PSTPIP1: variants seen among roughly 807,000 people sequenced by gnomAD.
PSTPIP1 encodes proline-serine-threonine phosphatase interacting protein 1.
In PSTPIP1, 66 loss-of-function variants were observed where a neutral mutation model predicts 69.6. The observed-to-expected ratio is 0.95, with a 90% CI of 0.78 to 1.16. PSTPIP1 has a LOEUF of 1.16. PSTPIP1 is among the 50% of genes most tolerant of loss of function. The pLI, the probability that PSTPIP1 is intolerant of heterozygous loss-of-function variation, is 0.00. For synonymous variants in PSTPIP1, 266 were observed against 222.7 expected, an observed-to-expected ratio of 1.19 and a Z score of -1.73; for missense variants, 603 against 557.4, an observed-to-expected ratio of 1.08 and a Z score of -0.82.
In PSTPIP1 at chr15:77,037,254, G is replaced by C. The variant is rs1457063417; in HGVS notation, c.*78G>C. The C allele has an allele frequency of 1.3e-6, 2 of 1,526,574 alleles. No individual in the cohort carries two copies. The highest frequency in any genetic ancestry group is 1.8e-6 in the Non-Finnish European group (2 of 1,134,814). The allele number at this position is 1,526,574 out of a possible 1,614,324, so 94.6% of individuals were successfully genotyped here. The stretch of plus-strand genomic sequence containing the variant: ...CCCCAGCACTGTCCCCACCTTGCTA[G>C]GGCCCAGAACCAAGCGTCCCCCAGC... On this transcript the variant is annotated 3_prime_UTR_variant, in exon 15 of 15. Transcript: ENST00000558012.
At position 76,995,422 on chromosome 15, in the gene PSTPIP1, G is replaced by A. The variant is rs1200264724; in HGVS notation, c.-152G>A. 10 of 1,494,360 alleles carry A rather than the reference G, an allele frequency of 6.7e-6. No homozygotes were observed. Among genetic ancestry groups the A allele is most frequent in the Non-Finnish European group, 8.9e-6 (10 of 1,125,996 alleles). 92.6% of individuals were successfully genotyped at this position (1,494,360 alleles called of 1,614,324 possible). ...CCCCTCAGAAGCTCCTCTCTGGCTC[G>A]TGGCTGCCTTCTGAGTGTTGCAGAC... On this transcript the variant is annotated 5_prime_UTR_variant, in exon 1 of 15. The change creates a new upstream start codon in the 5' untranslated region. Coordinates refer to ENST00000558012, the MANE Select transcript of PSTPIP1 (RefSeq NM_003978.5).
At chr15:77,031,107 T>A in intron 9 of PSTPIP1, 73 bp from the exon 10 acceptor site, 2 of 1,425,160 alleles carry the variant, frequency 1.4e-6, no homozygotes, top group Non-Finnish European at 2.0e-6. Flanking sequence ...CCGGCTGAGC[T>A]GTGAATGGGG....
At position 77,028,639 on chromosome 15, in the gene PSTPIP1, A is replaced by G. The variant is rs770462479; in HGVS notation, c.503A>G (p.Lys168Arg). 2.3e-5 allele frequency: 36 copies of G among 1,574,490 alleles called. No homozygotes were observed. Among genetic ancestry groups the G allele is most frequent in the Non-Finnish European group, 2.8e-5 (33 of 1,161,364 alleles). ...CGCATTAGCGCCAACGGCCACCAGA[A>G]GCAGGTGGAGAAGGTGCGCTGGGCT... ...FERISANGHQ[K>R]QVEKSQNKAR... Residue 168 changes from lysine to arginine, a missense_variant, in exon 7 of 15, where the codon AAG becomes AGG. Physicochemically the swap from Lys to Arg is conservative, Grantham distance 26. Transcript: ENST00000558012.
chr15:77,036,879 G>A (rs2076588385), intron 14 of PSTPIP1, among the ~76,000 whole-genome samples, 166 bp from the exon 15 acceptor site: 1 of 152,110 alleles, frequency 6.6e-6, no homozygotes. Context: ...GGGATGGGAG[G>A]CCCGGTCCGT....
rs2076088849 is a variant in PSTPIP1 at position 77,018,185 on chromosome 15, T to C, written c.74T>C (p.Leu25Pro). 2 of 1,590,662 alleles carry C rather than the reference T, an allele frequency of 1.3e-6. No individual in the cohort carries two copies. The highest frequency in any genetic ancestry group is 1.8e-5 in the Admixed American group (1 of 56,156). ...ACAGCCCACACGGGCTACGAGGTGC[T>C]GCTGCAGCGGCTTCTGGATGGCAGG... is the stretch of plus-strand genomic sequence containing the variant. The part of the protein sequence containing the change: ...DFTAHTGYEV[L>P]LQRLLDGRKM... The change falls in exon 2 of 15, where the codon CTG becomes CCG. Residue 25 changes from leucine (L) to proline (P), a missense_variant. Transcript: ENST00000558012.
intron 1 of PSTPIP1, among the ~76,000 whole-genome samples, chr15:77,012,167 A>AT (rs2075954311): frequency 2.0e-5 from 1 of 50,386 alleles, no homozygotes; most frequent in African/African-American, 7.7e-5. Context: ...CCACCCACCC[A>AT]CCCACCCACC....
At chr15:77,031,063 G>A (rs1258476454) in intron 9 of PSTPIP1, 117 bp from the exon 10 acceptor site, 2 of 987,876 alleles carry the variant, frequency 2.0e-6, no homozygotes, top group African/African-American at 1.6e-5. Flanking sequence ...CCTTTGGACT[G>A]GGCTTCCAGC....
chr15:77,027,661 G>T lies in PSTPIP1; in HGVS notation c.355-191G>T. The T allele has an allele frequency of 1.5e-6, 1 of 685,770 alleles. No individual in the cohort carries two copies. The allele number at this position is 685,770 out of a possible 1,614,324, so 42.5% of individuals were successfully genotyped here. A position where few individuals can be genotyped will look rare whatever the true frequency, so the allele number is the denominator to read the frequency against. On this transcript the variant is annotated intron_variant, in intron 5 of 14. Transcript: ENST00000558012. The surrounding 1 kb of genome is among the most constrained non-coding windows in gnomAD (Gnocchi z 4.3). Reference sequence around the variant, plus strand: ...ACCTCACGGCACACCCATGCCCTGTGATTCTCTGTGGCCTTCCATTGTGAG... The same window carrying T: ...ACCTCACGGCACACCCATGCCCTGTTATTCTCTGTGGCCTTCCATTGTGAG...
rs1230047592 is a variant in PSTPIP1 at position 76,995,281 on chromosome 15, G to A, written c.-293G>A. On this transcript the variant is annotated 5_prime_UTR_variant, in exon 1 of 15. Coordinates refer to ENST00000558012, the MANE Select transcript of PSTPIP1 (RefSeq NM_003978.5). ...CCAGACTGTGTCCTCCATCACCGCA[G>A]GGTCGGTGAGGGGCTGGGCTGGACA... 2 of 1,335,094 alleles carry A rather than the reference G, an allele frequency of 1.5e-6. No homozygotes were observed. Among genetic ancestry groups the A allele is most frequent in the Non-Finnish European group, 1.9e-6 (2 of 1,036,510 alleles). 82.7% of individuals were successfully genotyped at this position (1,335,094 alleles called of 1,614,324 possible). A position where few individuals can be genotyped will look rare whatever the true frequency, so the allele number is the denominator to read the frequency against.
chr15:77,013,332 A>T (rs1412951495), intron 1 of PSTPIP1, among the ~76,000 whole-genome samples: 3 of 152,188 alleles, frequency 2.0e-5, no homozygotes, highest in Non-Finnish European at 4.4e-5. Flanking sequence ...TGATGGGGAA[A>T]AGAGAACAGG....
chr15:77,018,359 G>C (rs751528894), intron 2 of PSTPIP1, 98 bp from the exon 3 acceptor site: 2 of 1,534,976 alleles, frequency 1.3e-6, no homozygotes, highest in South Asian at 2.4e-5. Context: ...GTCAGAACAC[G>C]CCCTGCTTTA....
intron 1 of PSTPIP1, chr15:77,015,888 C>T (rs556470201): frequency 1.5e-5 from 7 of 454,874 alleles, no homozygotes; most frequent in South Asian, 3.1e-5. Context: ...AAGCTCTGAG[C>T]GGGGGACTGG....
rs772683394 is a variant in PSTPIP1 at position 77,027,054 on chromosome 15, G to A, written c.355-798G>A. ...TACAGGATGGTGCACACGTGCCTAC[G>A]CTCCCCTGCATATGCCTGTGAGCAT... is the stretch of plus-strand genomic sequence containing the variant. On this transcript the variant is annotated intron_variant, in intron 5 of 14. Coordinates refer to ENST00000558012, the MANE Select transcript of PSTPIP1 (RefSeq NM_003978.5). This position sits in a 1 kb window ranked among gnomAD's most constrained non-coding sequence, Gnocchi z 4.3. 1.1e-4 allele frequency among the ~76,000 whole-genome samples: 16 copies of A among 152,216 alleles called. No homozygotes were observed. Among genetic ancestry groups the A allele is most frequent in the Non-Finnish European group, 1.6e-4 (11 of 68,030 alleles).
intron 12 of PSTPIP1, among the ~76,000 whole-genome samples, chr15:77,034,667 T>C (rs755053996): frequency 1.4e-4 from 22 of 152,234 alleles, no homozygotes; most frequent in Non-Finnish European, 2.2e-4. Flanking sequence ...TCACCTGCAG[T>C]GCCTCGCTCC....
At chr15:77,033,351 C>G (rs2152689953) in intron 12 of PSTPIP1, among the ~76,000 whole-genome samples, 1 of 152,284 alleles carries the variant, frequency 6.6e-6, no homozygotes, top group Non-Finnish European at 1.5e-5. Flanking sequence ...CCTTCCCCGG[C>G]CTGGCTGCAG....
chr15:77,019,691 C>T (rs1445565227), intron 3 of PSTPIP1, among the ~76,000 whole-genome samples: 1 of 152,214 alleles, frequency 6.6e-6, no homozygotes. Flanking sequence ...CCCACTCCAG[C>T]GAGCTGCCGT....
chr15:77,016,165 A>G (rs1171017646), intron 1 of PSTPIP1, among the ~76,000 whole-genome samples: 2 of 152,198 alleles, frequency 1.3e-5, no homozygotes, highest in Non-Finnish European at 2.9e-5. Flanking sequence ...CTGACTCTGC[A>G]GCGTCAAGCA....
intron 6 of PSTPIP1, chr15:77,028,248 G>C (rs557975957): frequency 1.2e-4 from 60 of 503,330 alleles, no homozygotes; most frequent in Non-Finnish European, 2.0e-4. Context: ...GCTCCTAAGA[G>C]GGCGCGGCGT....
Position 77,027,058 on chromosome 15 carries a change from C to T in PSTPIP1, c.355-794C>T, listed in dbSNP as rs2076296701. On this transcript the variant is annotated intron_variant, in intron 5 of 14. Transcript: ENST00000558012. This position sits in a 1 kb window ranked among gnomAD's most constrained non-coding sequence, Gnocchi z 4.3. ...GGATGGTGCACACGTGCCTACGCTC[C>T]CCTGCATATGCCTGTGAGCATGTGT... Among the ~76,000 whole-genome samples the T allele has an allele frequency of 1.3e-5, 2 of 152,218 alleles. No individual in the cohort carries two copies. Among genetic ancestry groups the T allele is most frequent in the South Asian group, 4.1e-4 (2 of 4,834 alleles).
Sources: allele counts gnomAD v4.1 joint callset (sites outside exome capture counted in the v4.1 genomes callset), GRCh38; gene constraint gnomAD v4.1.1; non-coding constraint Gnocchi (gnomAD v3.1); transcripts MANE v1.5; gene names NCBI Gene and HGNC (gene_info 2026-07-23, HGNC 2026-07-21).